FGF12: variants seen among roughly 807,000 people sequenced by gnomAD.
FGF12 encodes the protein fibroblast growth factor 12.
FGF12 carries 14 observed loss-of-function variants against 23.6 expected under a neutral mutation model. The observed-to-expected ratio is 0.59, with a 90% confidence interval of 0.39 to 0.93. The LOEUF (loss-of-function observed/expected upper bound fraction) is 0.93. FGF12 is among the 40% of genes least tolerant of loss of function. FGF12 has a pLI of 0.00. For missense variants in FGF12, 175 were observed against 217.8 expected (o/e 0.80, Z 1.24); for synonymous variants, 62 against 77.3 (o/e 0.80, Z 1.04).
chr3:192,715,222 C>T lies in FGF12; in HGVS notation c.13+11959G>A, dbSNP rs925436934. On this transcript the variant is annotated intron_variant, in intron 2 of 5. Transcript: ENST00000445105. ...GTAAATGAAATCATCACCTACATTA[C>T]ATAATTTGTAACAGGCTTCCACAAT... Among the ~76,000 whole-genome samples the T allele has an allele frequency of 5.3e-5, 8 of 152,304 alleles. 1 individual carries two copies. In the South Asian group the frequency reaches 1.7e-3, roughly 32 times the overall value.
At chr3:192,673,318 T>C (rs1384532928) in intron 2 of FGF12, 1 of 151,000 alleles carries the variant, frequency 6.6e-6, no homozygotes, top group Non-Finnish European at 1.5e-5. Flanking sequence ...ACAAATCAGT[T>C]AAGTATTATA....
intron 4 of FGF12, among the ~76,000 whole-genome samples, chr3:192,271,309 G>A (rs182955509): frequency 2.2e-4 from 33 of 152,120 alleles, no homozygotes; most frequent in African/African-American, 7.7e-4. Flanking sequence ...TGTGTTATTC[G>A]CCCATTAAAC....
chr3:192,304,202 T>C (rs1299647502), intron 4 of FGF12, among the ~76,000 whole-genome samples: 1 of 152,296 alleles, frequency 6.6e-6, no homozygotes, highest in African/African-American at 2.4e-5. Flanking sequence ...AAAACACATG[T>C]ATCCAAGGGA....
At chr3:192,310,510 G>A (rs1715878178) in intron 4 of FGF12, among the ~76,000 whole-genome samples, 1 of 152,178 alleles carries the variant, frequency 6.6e-6, no homozygotes, top group Middle Eastern at 3.4e-3. Context: ...TCTCTCTGAT[G>A]CAAGGCACCA....
At chr3:192,419,976 G>T (rs920707000) in intron 2 of FGF12, among the ~76,000 whole-genome samples, 3 of 152,118 alleles carry the variant, frequency 2.0e-5, no homozygotes, top group Non-Finnish European at 2.9e-5. Context: ...ATAAGAAAAA[G>T]AAAACATATT....
chr3:192,377,240 C>T (rs979807009), intron 2 of FGF12, among the ~76,000 whole-genome samples: 3 of 152,210 alleles, frequency 2.0e-5, no homozygotes, highest in African/African-American at 4.8e-5. Flanking sequence ...CTGCCTCACA[C>T]GGGTCTGACA....
Position 192,317,414 on chromosome 3 carries a change from G to C in FGF12, c.228+17947C>G, listed in dbSNP as rs1229163312. On this transcript the variant is annotated intron_variant, in intron 4 of 5. Coordinates refer to ENST00000445105, the MANE Select transcript of FGF12 (RefSeq NM_004113.6). ...CCACAAGCTGACTGAGGAGCCCTTG[G>C]ACATTGAATGAACATTGGCAGTAGC... Among the ~76,000 whole-genome samples the C allele has an allele frequency of 2.6e-5, 4 of 152,072 alleles. No individual in the cohort carries two copies. The East Asian group carries it at 7.8e-4, about 29-fold the overall frequency.
chr3:192,568,927 T>A (rs1345530119), intron 2 of FGF12, among the ~76,000 whole-genome samples: 1 of 152,160 alleles, frequency 6.6e-6, no homozygotes, highest in East Asian at 1.9e-4. Flanking sequence ...AGAACCAACT[T>A]AAGGGTGTCC....
At chr3:192,315,350 T>A (rs1716174554) in intron 4 of FGF12, among the ~76,000 whole-genome samples, 1 of 152,232 alleles carries the variant, frequency 6.6e-6, no homozygotes, top group African/African-American at 2.4e-5. Context: ...TAAGAATGAC[T>A]TGTTTCTGCT....
intron 4 of FGF12, among the ~76,000 whole-genome samples, chr3:192,258,021 TAA>T (rs200983417): frequency 8.0e-4 from 109 of 135,554 alleles, no homozygotes; most frequent in East Asian, 1.8e-3. Flanking sequence ...TGGTAAAATT[TAA>T]AAAAAAAAAA....
chr3:192,670,187 C>A (rs1318077106), intron 2 of FGF12, among the ~76,000 whole-genome samples: 5 of 152,084 alleles, frequency 3.3e-5, no homozygotes, highest in African/African-American at 4.8e-5. Context: ...TTTATTAAGG[C>A]AGACATTAAA....
chr3:192,164,822 G>A (rs1715070281), intron 5 of FGF12, among the ~76,000 whole-genome samples: 1 of 151,982 alleles, frequency 6.6e-6, no homozygotes, highest in Non-Finnish European at 1.5e-5. Context: ...AATTTTTTTG[G>A]TTAACCCATT....
intron 4 of FGF12, among the ~76,000 whole-genome samples, chr3:192,290,275 A>C (rs1714686175): frequency 6.6e-6 from 1 of 152,214 alleles, no homozygotes; most frequent in African/African-American, 2.4e-5. Context: ...TATATATCAA[A>C]ACATCAGTCT....
intron 2 of FGF12, among the ~76,000 whole-genome samples, chr3:192,567,766 TTTCTTTCTTTCTTTCTTTCTTTCTTTC>T (rs1364791719): frequency 7.5e-6 from 1 of 133,202 alleles, no homozygotes; most frequent in African/African-American, 2.7e-5. Context: ...TCTTTCTTTC[TTTCTTTCTTTCTTTCTTTCTTTCTTTC>T]TTTCTTTCTC....
At chr3:192,544,338 G>T (rs925471724) in intron 2 of FGF12, among the ~76,000 whole-genome samples, 3 of 152,108 alleles carry the variant, frequency 2.0e-5, no homozygotes, top group South Asian at 4.1e-4. Flanking sequence ...TTAAAACTGG[G>T]TACTGTGATT....
intron 4 of FGF12, among the ~76,000 whole-genome samples, chr3:192,296,034 A>G (rs1715010667): frequency 7.0e-6 from 1 of 141,898 alleles, no homozygotes; most frequent in Non-Finnish European, 1.5e-5. Flanking sequence ...GGCACACACC[A>G]CCATGCTGAC....
intron 2 of FGF12, among the ~76,000 whole-genome samples, chr3:192,378,264 T>C (rs113345139): frequency 0.13 from 18,962 of 149,124 alleles, 1,685 homozygotes; most frequent in Middle Eastern, 0.21. Flanking sequence ...GCGTGTGCTA[T>C]CATGCCTAGC....
At chr3:192,235,550 T>C (rs964943472) in intron 4 of FGF12, among the ~76,000 whole-genome samples, 1 of 152,026 alleles carries the variant, frequency 6.6e-6, no homozygotes, top group Non-Finnish European at 1.5e-5. Context: ...TCTCGATCTC[T>C]TGACCTTGTG....
chr3:192,313,070 G>T (rs1007530201), intron 4 of FGF12, among the ~76,000 whole-genome samples: 3 of 152,074 alleles, frequency 2.0e-5, no homozygotes, highest in African/African-American at 7.2e-5. Flanking sequence ...AATTTCCAGA[G>T]AAATTCTGTC....
Sources: gnomAD v4.1 joint callset for allele counts (sites outside exome capture counted in the v4.1 genomes callset) on GRCh38, gnomAD v4.1.1 for gene constraint, MANE v1.5 for transcripts, NCBI Gene and HGNC (gene_info 2026-07-23, HGNC 2026-07-21) for gene names.